The following PNO1 variants were observed in gnomAD, a reference collection of about 807,000 sequenced individuals.
PNO1 encodes the protein partner of NOB1 homolog.
Under a neutral mutation model 28.4 loss-of-function variants are expected in PNO1, and 16 were observed. That is an observed-to-expected ratio of 0.56 (90% CI 0.38 to 0.85). The LOEUF is 0.85. Among genes scored for constraint, PNO1 ranks in the 40% least tolerant of loss-of-function variants. The pLI is 0.00. For synonymous variants in PNO1, 115 were observed against 110.8 expected, an observed-to-expected ratio of 1.04 and a Z score of -0.24; for missense variants, 304 against 312.2, an observed-to-expected ratio of 0.97 and a Z score of 0.20.
At chr2:68,158,777 TATA>T (rs1181471668) in intron 2 of PNO1, among the ~76,000 whole-genome samples, 4 of 152,250 alleles carry the variant, frequency 2.6e-5, no homozygotes, top group African/African-American at 9.6e-5. Context: ...GTGTATCTTT[TATA>T]ATGTTCTATG....
Position 68,174,910 on chromosome 2 carries a change from G to A in PNO1, c.*108G>A, listed in dbSNP as rs755883159. 1.1e-4 allele frequency: 70 copies of A among 615,618 alleles called. No individual in the cohort carries two copies. The highest frequency in any genetic ancestry group is 1.1e-3 in the South Asian group (51 of 46,488). The allele number at this position is 615,618 out of a possible 1,614,324, so 38.1% of individuals were successfully genotyped here. A position where few individuals can be genotyped will look rare whatever the true frequency, so the allele number is the denominator to read the frequency against. ...ACAATTTCAGTCATTTGAAGCCTCCGTCCCTTCTTCCATTCTCAGCCAGAA... is the reference window on the plus strand; with the variant it reads ...ACAATTTCAGTCATTTGAAGCCTCCATCCCTTCTTCCATTCTCAGCCAGAA... On this transcript the variant is annotated 3_prime_UTR_variant, in exon 7 of 7. Coordinates refer to ENST00000263657, the MANE Select transcript of PNO1 (RefSeq NM_020143.4).
In PNO1 at chr2:68,158,432, C is replaced by T. The variant is rs143957989; in HGVS notation, c.260C>T (p.Pro87Leu). 62 of 1,613,210 alleles carry T rather than the reference C, an allele frequency of 3.8e-5. No individual in the cohort carries two copies. In the Middle Eastern group the frequency reaches 1.8e-3, roughly 47 times the overall value. The change falls in exon 2 of 7, where the codon CCA becomes CTA. Residue 87 changes from proline (P) to leucine (L), a missense_variant. Pro to Leu is a moderately conservative substitution (Grantham distance 98). Coordinates refer to ENST00000263657, the MANE Select transcript of PNO1 (RefSeq NM_020143.4). ...KIPVPANRYT[P>L]LKENWMKIFT... ...CCAGTCCCAGCTAACAGATACACAC[C>T]ATTGAAAGAAAACTGGATGAAGATA...
rs1673867551 is a variant in PNO1 at position 68,162,680 on chromosome 2, G to C, written c.620+17G>C. 1.4e-6 allele frequency: 2 copies of C among 1,379,560 alleles called. No homozygotes were observed. The highest frequency in any genetic ancestry group is 2.1e-6 in the Non-Finnish European group (2 of 967,148). 85.5% of individuals were successfully genotyped at this position (1,379,560 alleles called of 1,614,324 possible). ...GGCTGATGTGTAAGTATCTGATCTTGAGAAAATTATTGTCATAATTTATAT... is the reference window on the plus strand; with the variant it reads ...GGCTGATGTGTAAGTATCTGATCTTCAGAAAATTATTGTCATAATTTATAT... On this transcript the variant is annotated intron_variant, in intron 5 of 6. Coordinates refer to ENST00000263657, the MANE Select transcript of PNO1 (RefSeq NM_020143.4).
intron 5 of PNO1, among the ~76,000 whole-genome samples, chr2:68,170,803 C>T (rs909263898): frequency 7.9e-5 from 12 of 151,298 alleles, no homozygotes; most frequent in Non-Finnish European, 1.5e-5. Flanking sequence ...TCCATTTCAC[C>T]CTTTTCAGGG....
Position 68,165,377 on chromosome 2 carries a change from A to AAAAAAC in PNO1, c.620+2716_620+2717insAAACAA, listed in dbSNP as rs1553401401. 9.6e-4 allele frequency among the ~76,000 whole-genome samples: 59 copies of AAAAAAC among 61,776 alleles called. 6 individuals carry two copies. The highest frequency in any genetic ancestry group is 1.2e-3 in the Non-Finnish European group (39 of 31,710). 40.5% of individuals were successfully genotyped at this position (61,776 alleles called of 152,430 possible). A position where few individuals can be genotyped will look rare whatever the true frequency, so the allele number is the denominator to read the frequency against. On this transcript the variant is annotated intron_variant, in intron 5 of 6. Coordinates refer to ENST00000263657, the MANE Select transcript of PNO1 (RefSeq NM_020143.4). ...AGACTCCGTCTCAAAAAAAAAAAAA[A>AAAAAAC]AACAACAAAAAAAAAAAAACTAGCT...
chr2:68,173,475 G>T (rs1674185580), intron 6 of PNO1, 58 bp downstream of exon 6: 1 of 1,095,284 alleles, frequency 9.1e-7, no homozygotes, highest in East Asian at 2.4e-5. Flanking sequence ...GTTAATTGAG[G>T]AAGTCAAAAC....
chr2:68,168,968 GC>G (rs1312279816), intron 5 of PNO1, among the ~76,000 whole-genome samples: 1 of 112,796 alleles, frequency 8.9e-6, no homozygotes, highest in Non-Finnish European at 1.6e-5. Context: ...TCCCTCTATC[GC>G]CAAGGCTGAA....
intron 5 of PNO1, among the ~76,000 whole-genome samples, chr2:68,168,921 CTTTTTTTT>C (rs57701897): frequency 1.7e-4 from 12 of 72,484 alleles, no homozygotes; most frequent in Admixed American, 5.9e-4. Context: ...CAGCTTTTTT[CTTTTTTTT>C]TTTTTTTTTT....
rs1450174436 is a variant in PNO1, at chr2:68,158,135, G to A, written c.201G>A (p.Gly67=). The part of the protein sequence containing the change: ...RPVFPPLCGD[G]LLSGKEETRK... Reference sequence around the variant, plus strand: ...TCTTCCCACCCCTCTGTGGGGACGGGCTCCTGGTATGTGGCTGGGACCCTA... The same window carrying A: ...TCTTCCCACCCCTCTGTGGGGACGGACTCCTGGTATGTGGCTGGGACCCTA... Residue 67 remains glycine (G), a synonymous_variant, in exon 1 of 7, where the codon GGG becomes GGA. Transcript: ENST00000263657. 8 of 1,598,234 alleles carry A rather than the reference G, an allele frequency of 5.0e-6. No homozygotes were observed. Among genetic ancestry groups the A allele is most frequent in the Non-Finnish European group, 6.8e-6 (8 of 1,171,994 alleles).
chr2:68,165,363 CAAAA>C (rs770897170), intron 5 of PNO1, among the ~76,000 whole-genome samples: 1 of 24,834 alleles, frequency 4.0e-5, no homozygotes. Context: ...GACTCCGTCT[CAAAA>C]AAAAAAAAAA....
At chr2:68,170,999 G>A (rs974977202) in intron 5 of PNO1, among the ~76,000 whole-genome samples, 2 of 152,054 alleles carry the variant, frequency 1.3e-5, no homozygotes, top group African/African-American at 2.4e-5. Flanking sequence ...CTGTCACTCC[G>A]ATTTATTCTT....
intron 4 of PNO1, 82 bp downstream of exon 4, chr2:68,162,407 A>T: frequency 8.5e-7 from 1 of 1,179,220 alleles, no homozygotes; most frequent in Non-Finnish European, 1.2e-6. Context: ...GCATCAATTG[A>T]GCTGTATTTT....
At chr2:68,162,442 C>A in intron 4 of PNO1, 104 bp from the exon 5 acceptor site, 1 of 1,000,228 alleles carries the variant, frequency 1.0e-6, no homozygotes, top group Non-Finnish European at 1.5e-6. Context: ...TATATATATA[C>A]ACTTTGTGTC....
At chr2:68,165,658 G>A (rs1558620176) in intron 5 of PNO1, among the ~76,000 whole-genome samples, 1 of 151,280 alleles carries the variant, frequency 6.6e-6, no homozygotes. Flanking sequence ...AAACCAGCCT[G>A]GGCGACAGTG....
intron 3 of PNO1, 27 bp downstream of exon 3, chr2:68,161,793 G>A: frequency 1.4e-6 from 2 of 1,433,004 alleles, no homozygotes; most frequent in Non-Finnish European, 2.0e-6. Flanking sequence ...TATCTAAAAT[G>A]GGGACTTTAA....
At chr2:68,171,148 T>C (rs1219959666) in intron 5 of PNO1, among the ~76,000 whole-genome samples, 1 of 152,358 alleles carries the variant, frequency 6.6e-6, no homozygotes, top group Non-Finnish European at 1.5e-5. Flanking sequence ...TTTTGCAGCA[T>C]TGTTTTCACT....
chr2:68,161,102 T>C, intron 2 of PNO1: 1 of 427,938 alleles, frequency 2.3e-6, no homozygotes, highest in South Asian at 1.8e-5. Context: ...TTATTTATAG[T>C]ACGTGTTATT....
rs186296080 is a variant in PNO1 at position 68,175,153 on chromosome 2, A to G, written c.*351A>G. Reference sequence around the variant, plus strand: ...TTTATACTTTTATATTTATAAATTTATAACTTCATACAAATTTATAAACAT... The same window carrying G: ...TTTATACTTTTATATTTATAAATTTGTAACTTCATACAAATTTATAAACAT... On this transcript the variant is annotated 3_prime_UTR_variant, in exon 7 of 7. Transcript: ENST00000263657. 397 of 162,792 alleles carry G rather than the reference A, an allele frequency of 2.4e-3. 4 individuals are homozygous for G. The highest frequency in any genetic ancestry group is 9.2e-3 in the African/African-American group (386 of 42,046). The allele number at this position is 162,792 out of a possible 1,614,324, so 10.1% of individuals were successfully genotyped here.
chr2:68,163,569 A>G (rs546296277), intron 5 of PNO1, among the ~76,000 whole-genome samples: 1 of 150,210 alleles, frequency 6.7e-6, no homozygotes, highest in East Asian at 1.9e-4. Flanking sequence ...ACATACATAC[A>G]TACATACATA....
Sources: allele counts gnomAD v4.1 joint callset (sites outside exome capture counted in the v4.1 genomes callset), GRCh38; gene constraint gnomAD v4.1.1; transcripts MANE v1.5; gene names NCBI Gene and HGNC (gene_info 2026-07-23, HGNC 2026-07-21).